Variants in RGS22 observed in about 807,000 individuals in gnomAD.
RGS22 encodes the protein regulator of G protein signaling 22.
In RGS22, 148 loss-of-function variants were observed where a neutral mutation model predicts 172.9. That is an observed-to-expected ratio of 0.86 (90% CI 0.75 to 0.98). The LOEUF is 0.98. Among genes scored for constraint, RGS22 ranks in the 50% least tolerant of loss-of-function variants. The pLI, the probability that RGS22 is intolerant of heterozygous loss-of-function variation, is 0.00. For missense variants in RGS22, 1,347 were observed against 1,440.8 expected (o/e 0.93, Z 1.05); for synonymous variants, 458 against 480.2 (o/e 0.95, Z 0.60).
At chr8:100,054,101 T>C (rs1821999317) in intron 9 of RGS22, among the ~76,000 whole-genome samples, 1 of 152,174 alleles carries the variant, frequency 6.6e-6, no homozygotes, top group African/African-American at 2.4e-5. Flanking sequence ...TCTGGCACAA[T>C]ATTAAGGCCA....
chr8:100,102,214 T>C (rs1813549867), intron 2 of RGS22, among the ~76,000 whole-genome samples: 1 of 152,252 alleles, frequency 6.6e-6, no homozygotes, highest in Non-Finnish European at 1.5e-5. Context: ...GGGTCCATTA[T>C]TTGATCTCTA....
chr8:100,098,888 TTTATTTTATTTTA>T (rs1813231014), intron 2 of RGS22, among the ~76,000 whole-genome samples: 1 of 99,158 alleles, frequency 1.0e-5, no homozygotes, highest in African/African-American at 4.4e-5. Flanking sequence ...TTTATTTTAT[TTTATTTTATTTTA>T]TTTTATTTTA....
intron 2 of RGS22, among the ~76,000 whole-genome samples, chr8:100,104,001 G>A (rs1316107897): frequency 1.3e-5 from 2 of 152,202 alleles, no homozygotes; most frequent in African/African-American, 4.8e-5. Flanking sequence ...GCCTGGAGCA[G>A]CTTAAAGAAA....
chr8:100,091,293 C>CAA (rs1563724091), intron 3 of RGS22, among the ~76,000 whole-genome samples: 1 of 101,830 alleles, frequency 9.8e-6, no homozygotes, highest in African/African-American at 5.3e-5. Flanking sequence ...AAGAGGAACT[C>CAA]CAAAAAAAAA....
chr8:100,044,481 A>C (rs1328730287), intron 11 of RGS22, among the ~76,000 whole-genome samples: 8 of 152,180 alleles, frequency 5.3e-5, no homozygotes, highest in Admixed American at 4.6e-4. Context: ...TCCTAACCTC[A>C]AGTGATCCAC....
chr8:99,974,713 G>T (rs1212548333), intron 23 of RGS22, among the ~76,000 whole-genome samples: 3 of 151,294 alleles, frequency 2.0e-5, no homozygotes, highest in African/African-American at 7.3e-5. Flanking sequence ...CAGGAGAATT[G>T]CTTGAACCTG....
chr8:100,100,842 A>G (rs1262864518), intron 2 of RGS22, among the ~76,000 whole-genome samples: 1 of 152,222 alleles, frequency 6.6e-6, no homozygotes, highest in Non-Finnish European at 1.5e-5. Context: ...TTAAAGCTAA[A>G]GTTTATCTTA....
chr8:100,043,267 C>T (rs1372522022), intron 11 of RGS22, among the ~76,000 whole-genome samples: 2 of 152,166 alleles, frequency 1.3e-5, no homozygotes, highest in South Asian at 2.1e-4. Flanking sequence ...CAGGAAGAAG[C>T]GCCCCACCTC....
At chr8:100,089,197 T>TAC (rs1462469333) in intron 3 of RGS22, among the ~76,000 whole-genome samples, 2 of 145,320 alleles carry the variant, frequency 1.4e-5, no homozygotes, top group East Asian at 3.9e-4. Flanking sequence ...ATACACGAGA[T>TAC]ACACACACAC....
chr8:100,082,131 G>A (rs1811807740), intron 3 of RGS22, among the ~76,000 whole-genome samples: 2 of 152,018 alleles, frequency 1.3e-5, no homozygotes, highest in African/African-American at 2.4e-5. Flanking sequence ...GAGTAGTTAC[G>A]GTATAGTTGG....
intron 14 of RGS22, among the ~76,000 whole-genome samples, chr8:100,013,436 G>A (rs943877910): frequency 6.6e-6 from 1 of 152,020 alleles, no homozygotes; most frequent in Non-Finnish European, 1.5e-5. Context: ...TCTCAGTCTT[G>A]CCTTTACTCT....
At chr8:100,006,900 G>A (rs1428259922) in intron 15 of RGS22, among the ~76,000 whole-genome samples, 1 of 151,484 alleles carries the variant, frequency 6.6e-6, no homozygotes, top group African/African-American at 2.4e-5. Flanking sequence ...GAAACTTTTT[G>A]GTTTAGGGAA....
chr8:99,966,280 G>A (rs1163329396), intron 23 of RGS22, among the ~76,000 whole-genome samples: 6 of 152,160 alleles, frequency 3.9e-5, no homozygotes, highest in Non-Finnish European at 7.4e-5. Flanking sequence ...CAAAAGTTGG[G>A]AGGGTGGGAG....
intron 3 of RGS22, among the ~76,000 whole-genome samples, chr8:100,085,997 T>C (rs1191191680): frequency 6.6e-6 from 1 of 152,138 alleles, no homozygotes; most frequent in African/African-American, 2.4e-5. Flanking sequence ...TAACTATTAA[T>C]ATATTCTGGA....
At chr8:100,080,898 G>A (rs1344917627) in intron 3 of RGS22, 1 of 152,544 alleles carries the variant, frequency 6.6e-6, no homozygotes, top group Non-Finnish European at 1.5e-5. Context: ...GTTTTTATCA[G>A]TAATTCTAAA....
chr8:100,020,194 TCTC>T (rs939264113), intron 14 of RGS22, among the ~76,000 whole-genome samples: 1 of 152,100 alleles, frequency 6.6e-6, no homozygotes, highest in African/African-American at 2.4e-5. Context: ...GCAATTTTCT[TCTC>T]CTTACCATCA....
chr8:99,996,411 C>T (rs764302890), intron 20 of RGS22, 51 bp downstream of exon 20: 1 of 1,490,406 alleles, frequency 6.7e-7, no homozygotes. Flanking sequence ...AAAAACAATA[C>T]TTTGACAGAG....
intron 9 of RGS22, among the ~76,000 whole-genome samples, chr8:100,060,402 G>GTATA (rs72050805): frequency 0.013 from 1,313 of 102,940 alleles, 96 homozygotes; most frequent in African/African-American, 0.031. Context: ...TTAGCTACGT[G>GTATA]TATATATATA....
At chr8:100,075,060 G>A (rs542539486) in intron 4 of RGS22, among the ~76,000 whole-genome samples, 97 of 152,228 alleles carry the variant, frequency 6.4e-4, no homozygotes, top group Middle Eastern at 6.8e-3. Context: ...GTGAGCCACC[G>A]CGCCTGGCCG....
Sources: allele counts gnomAD v4.1 joint callset (sites outside exome capture counted in the v4.1 genomes callset), GRCh38; gene constraint gnomAD v4.1.1; transcripts MANE v1.5; gene names NCBI Gene and HGNC (gene_info 2026-07-23, HGNC 2026-07-21).